MAN2B2: variants seen among roughly 807,000 people sequenced by gnomAD.
The protein encoded by MAN2B2 is mannosidase alpha class 2B member 2, also known as epididymis-specific alpha-mannosidase.
Under a neutral mutation model 117.1 loss-of-function variants are expected in MAN2B2, and 106 were observed. That is an observed-to-expected ratio of 0.90 (90% CI 0.77 to 1.06). MAN2B2 has a LOEUF of 1.06. Among genes scored for constraint, MAN2B2 ranks in the 50% least tolerant of loss-of-function variants. MAN2B2 has a pLI of 0.00. For missense variants in MAN2B2, 1,326 were observed against 1,381.4 expected (o/e 0.96, Z 0.64); for synonymous variants, 544 against 595.1 (o/e 0.91, Z 1.25).
chr4:6,604,434 T>G (rs1577288583), intron 10 of MAN2B2, among the ~76,000 whole-genome samples: 2 of 23,924 alleles, frequency 8.4e-5, no homozygotes, highest in South Asian at 1.4e-3. Flanking sequence ...TGGGGGGCCT[T>G]GGTGGTGGGT....
rs1253773734 is a variant in MAN2B2 at position 6,623,141 on chromosome 4, G to C, written c.*1856G>C. ...AGGCCAAAGCAACCGGATCACTGGT[G>C]GTCAGTAGTTCAAGACCAGGCTGGC... is the stretch of plus-strand genomic sequence containing the variant. On this transcript the variant is annotated 3_prime_UTR_variant, in exon 19 of 19. Coordinates refer to ENST00000285599, the MANE Select transcript of MAN2B2 (RefSeq NM_015274.3). 1.3e-5 allele frequency: 2 copies of C among 151,872 alleles called. No individual in the cohort carries two copies. Among genetic ancestry groups the C allele is most frequent in the African/African-American group, 2.4e-5 (1 of 40,982 alleles). 9.4% of individuals were successfully genotyped at this position (151,872 alleles called of 1,614,324 possible).
chr4:6,588,353 T>C (rs549442475), intron 4 of MAN2B2, among the ~76,000 whole-genome samples: 26 of 152,188 alleles, frequency 1.7e-4, no homozygotes, highest in Non-Finnish European at 3.4e-4. Flanking sequence ...AATTTTCCTT[T>C]TTTCTGAGGA....
intron 11 of MAN2B2, 100 bp downstream of exon 11, chr4:6,605,429 G>A (rs972909031): frequency 2.2e-6 from 3 of 1,386,118 alleles, no homozygotes; most frequent in South Asian, 1.4e-5. Flanking sequence ...TTGCCTGGGG[G>A]AAGGACAGAT....
chr4:6,580,843 G>A (rs371132514), intron 3 of MAN2B2, among the ~76,000 whole-genome samples: 3 of 152,150 alleles, frequency 2.0e-5, no homozygotes, highest in Admixed American at 6.5e-5. Flanking sequence ...TCAGCCCACC[G>A]TGCCTAAGTG....
At chr4:6,599,067 C>T (rs1049871963) in intron 9 of MAN2B2, among the ~76,000 whole-genome samples, 1 of 152,242 alleles carries the variant, frequency 6.6e-6, no homozygotes, top group Non-Finnish European at 1.5e-5. Context: ...GTCCCACCCA[C>T]AGCCTGCACC....
At chr4:6,585,553 T>A (rs779905537) in intron 3 of MAN2B2, among the ~76,000 whole-genome samples, 8 of 152,220 alleles carry the variant, frequency 5.3e-5, no homozygotes, top group Non-Finnish European at 8.8e-5. Flanking sequence ...AATGGTTGGG[T>A]GATTCTGGCA....
At chr4:6,604,244 T>C (rs1053473193) in intron 10 of MAN2B2, among the ~76,000 whole-genome samples, 1 of 152,078 alleles carries the variant, frequency 6.6e-6, no homozygotes, top group Non-Finnish European at 1.5e-5. Flanking sequence ...CTTCCCCAGT[T>C]GCAGCAGACA....
At position 6,621,578 on chromosome 4, in the gene MAN2B2, A is replaced by C; in HGVS notation, c.*293A>C. The C allele has an allele frequency of 3.4e-6, 1 of 294,770 alleles. No homozygotes were observed. Among genetic ancestry groups the C allele is most frequent in the Non-Finnish European group, 6.4e-6 (1 of 156,924 alleles). The allele number at this position is 294,770 out of a possible 1,614,324, so 18.3% of individuals were successfully genotyped here. A position where few individuals can be genotyped will look rare whatever the true frequency, so the allele number is the denominator to read the frequency against. The stretch of plus-strand genomic sequence containing the variant: ...ATGCGTCATTCATTCACAAAACACA[A>C]ACCCAGGACTTTCTGCCTAAGGCAG... On this transcript the variant is annotated 3_prime_UTR_variant, in exon 19 of 19. Coordinates refer to ENST00000285599, the MANE Select transcript of MAN2B2 (RefSeq NM_015274.3).
chr4:6,610,756 A>C, intron 13 of MAN2B2, 124 bp from the exon 14 acceptor site: 1 of 778,326 alleles, frequency 1.3e-6, no homozygotes, highest in Admixed American at 2.0e-5. Flanking sequence ...CTCCAAAGTC[A>C]GGGTCCCAGC....
chr4:6,579,565 A>G (rs953997204), intron 3 of MAN2B2, among the ~76,000 whole-genome samples: 23 of 148,868 alleles, frequency 1.5e-4, no homozygotes, highest in African/African-American at 5.8e-4. Context: ...CACTACCATT[A>G]CTACCACTAC....
At chr4:6,620,201 T>C (rs4234765) in intron 18 of MAN2B2, 157 bp downstream of exon 18, 606,488 of 608,718 alleles carry the variant, frequency 1, 302,175 homozygotes, top group East Asian at 1. Context: ...CCAAATCTAC[T>C]ACAGTCGGTT....
chr4:6,576,540 G>T, intron 1 of MAN2B2, 38 bp from the exon 2 acceptor site: 1 of 1,595,012 alleles, frequency 6.3e-7, no homozygotes, highest in Non-Finnish European at 8.6e-7. Context: ...ACTTGGTCTT[G>T]TTGGACCGGG....
At chr4:6,579,063 T>A (rs201076815) in intron 3 of MAN2B2, among the ~76,000 whole-genome samples, 81 of 33,228 alleles carry the variant, frequency 2.4e-3, no homozygotes, top group Non-Finnish European at 4.3e-3. Flanking sequence ...ACCACCACCA[T>A]CACCATCACC....
chr4:6,596,824 C>A (rs571696762), intron 7 of MAN2B2, among the ~76,000 whole-genome samples: 21 of 152,182 alleles, frequency 1.4e-4, no homozygotes, highest in African/African-American at 4.8e-4. Flanking sequence ...GGCTTGCCTC[C>A]GATCAGGATC....
At chr4:6,582,039 A>G (rs1280724866) in intron 3 of MAN2B2, among the ~76,000 whole-genome samples, 1 of 151,950 alleles carries the variant, frequency 6.6e-6, no homozygotes, top group Non-Finnish European at 1.5e-5. Flanking sequence ...GGCCCAGCAG[A>G]GTGGCAGGTG....
At chr4:6,610,779 CTG>C in intron 13 of MAN2B2, 99 bp from the exon 14 acceptor site, 1 of 944,030 alleles carries the variant, frequency 1.1e-6, no homozygotes, top group South Asian at 1.4e-5. Context: ...CATGCTGCTG[CTG>C]TGCCTATGGG....
intron 2 of MAN2B2, 115 bp from the exon 3 acceptor site, chr4:6,578,278 C>A: frequency 4.2e-6 from 3 of 720,390 alleles, no homozygotes; most frequent in Admixed American, 2.1e-5. Context: ...ATAGAGTAAG[C>A]AAGGGTGGGG....
chr4:6,613,444 G>A (rs1711678730), intron 15 of MAN2B2, among the ~76,000 whole-genome samples: 1 of 152,022 alleles, frequency 6.6e-6, no homozygotes, highest in Admixed American at 6.6e-5. Flanking sequence ...TGGCCAGGGT[G>A]GTGGCCCATA....
chr4:6,575,716 C>A (rs1410196227), intron 1 of MAN2B2, among the ~76,000 whole-genome samples: 1 of 152,126 alleles, frequency 6.6e-6, no homozygotes. Context: ...CCGGGCTGGT[C>A]CCCTGCGGGG....
Sources: gnomAD v4.1 joint callset for allele counts (sites outside exome capture counted in the v4.1 genomes callset) on GRCh38, gnomAD v4.1.1 for gene constraint, MANE v1.5 for transcripts, NCBI Gene and HGNC (gene_info 2026-07-23, HGNC 2026-07-21) for gene names.